CRTC3: variants seen among roughly 807,000 people sequenced by gnomAD.
The protein encoded by CRTC3 is CREB regulated transcription coactivator 3.
A neutral mutation model predicts 74.5 loss-of-function variants in CRTC3; 26 were observed. The observed-to-expected ratio is 0.35, with a 90% CI of 0.26 to 0.48. The LOEUF (loss-of-function observed/expected upper bound fraction) is 0.48. Ranked by LOEUF, CRTC3 falls within the 20% of genes least tolerant of loss-of-function variation. The probability of loss-of-function intolerance (pLI) is 0.99; values close to 1 mark genes in which losing one functional copy is unlikely to be tolerated. For synonymous variants in CRTC3, 377 were observed against 325.8 expected, an observed-to-expected ratio of 1.16 and a Z score of -1.69; for missense variants, 760 against 787.3, an observed-to-expected ratio of 0.97 and a Z score of 0.41.
intron 9 of CRTC3, among the ~76,000 whole-genome samples, chr15:90,624,421 G>T (rs892698721): frequency 2.0e-5 from 3 of 151,866 alleles, no homozygotes; most frequent in African/African-American, 7.3e-5. Flanking sequence ...CCCTGATCCA[G>T]ACTCCTGAGA....
chr15:90,645,195 A>G lies in CRTC3; in HGVS notation c.*3055A>G. 4.4e-6 allele frequency: 1 copy of G among 229,614 alleles called. No homozygotes were observed. The highest frequency in any genetic ancestry group is 8.6e-6 in the Non-Finnish European group (1 of 115,608). 14.2% of individuals were successfully genotyped at this position (229,614 alleles called of 1,614,324 possible). ...CATGGATGGGACCATCCCAGCAACTAATCAGACTTCCTGCCAGTGTCCTAA... is the reference window on the plus strand; with the variant it reads ...CATGGATGGGACCATCCCAGCAACTGATCAGACTTCCTGCCAGTGTCCTAA... On this transcript the variant is annotated 3_prime_UTR_variant, in exon 15 of 15. Transcript: ENST00000268184.
At chr15:90,626,135 C>G (rs1251281702) in intron 10 of CRTC3, 142 bp downstream of exon 10, 20 of 707,790 alleles carry the variant, frequency 2.8e-5, no homozygotes, top group Non-Finnish European at 4.7e-5. Flanking sequence ...TCTCCTGACC[C>G]TGCGGACATT....
At position 90,593,306 on chromosome 15, in the gene CRTC3, C is replaced by A. The variant is rs1967843147; in HGVS notation, c.232-330C>A. On this transcript the variant is annotated intron_variant, in intron 2 of 14. Coordinates refer to ENST00000268184, the MANE Select transcript of CRTC3 (RefSeq NM_022769.5). ...GCCAGTTTCTTTCTTTAATATACCT[C>A]TTTTACATTTCAAAGTGTCCTTTCT... 4.6e-5 allele frequency among the ~76,000 whole-genome samples: 7 copies of A among 152,286 alleles called. No individual in the cohort carries two copies. The South Asian group carries it at 1.5e-3, about 32-fold the overall frequency.
chr15:90,588,415 C>T (rs1194861912), intron 2 of CRTC3, among the ~76,000 whole-genome samples: 1 of 150,570 alleles, frequency 6.6e-6, no homozygotes, highest in East Asian at 1.9e-4. Context: ...GTCCGTGGTG[C>T]TGGAATACCT....
intron 2 of CRTC3, among the ~76,000 whole-genome samples, chr15:90,590,601 C>G (rs1967777099): frequency 6.6e-6 from 1 of 152,140 alleles, no homozygotes; most frequent in Non-Finnish European, 1.5e-5. Flanking sequence ...CTCAGACGAT[C>G]CACCTGCCTC....
chr15:90,569,024 T>A (rs7173175), intron 2 of CRTC3, among the ~76,000 whole-genome samples: 1 of 150,530 alleles, frequency 6.6e-6, no homozygotes, highest in Non-Finnish European at 1.5e-5. Flanking sequence ...ACAGAGTTTC[T>A]CCCGGTCACC....
At chr15:90,592,689 T>C (rs373377557) in intron 2 of CRTC3, among the ~76,000 whole-genome samples, 1 of 152,214 alleles carries the variant, frequency 6.6e-6, no homozygotes, top group Non-Finnish European at 1.5e-5. Flanking sequence ...ATAGCATTCC[T>C]TTTTTCCTCT....
At chr15:90,621,421 C>G (rs531143307) in intron 9 of CRTC3, among the ~76,000 whole-genome samples, 22 of 152,302 alleles carry the variant, frequency 1.4e-4, no homozygotes, top group African/African-American at 5.3e-4. Context: ...CTCCCAGGTT[C>G]AAGCGATTCT....
In CRTC3 at chr15:90,530,199, C is replaced by A. The variant is rs1303052311; in HGVS notation, c.128C>A (p.Ser43Ter). The part of the protein sequence containing the change: ...FEQLMTDLTL[S>*]RVQFQKLQQL... ...CAGCTCATGACCGACCTCACCCTGT[C>A]GCGGGTGAGGGCCCGGGCCGGCGCG... Residue 43 changes from serine (S) to a stop codon, truncating the protein, a stop_gained, in exon 1 of 15, where the codon TCG becomes TAG. Coordinates refer to ENST00000268184, the MANE Select transcript of CRTC3 (RefSeq NM_022769.5). LOFTEE classifies it high-confidence loss of function. The surrounding 1 kb of genome is among the most constrained non-coding windows in gnomAD (Gnocchi z 6.2). 7.9e-7 allele frequency: 1 copy of A among 1,263,614 alleles called. No homozygotes were observed. The highest frequency in any genetic ancestry group is 1.0e-6 in the Non-Finnish European group (1 of 979,728). The allele number at this position is 1,263,614 out of a possible 1,614,324, so 78.3% of individuals were successfully genotyped here. A position where few individuals can be genotyped will look rare whatever the true frequency, so the allele number is the denominator to read the frequency against.
intron 4 of CRTC3, 77 bp from the exon 5 acceptor site, chr15:90,604,308 A>G: frequency 9.1e-7 from 1 of 1,104,916 alleles, no homozygotes; most frequent in Non-Finnish European, 1.4e-6. Context: ...GCCAGTTCTC[A>G]AATGCAAGTG....
intron 2 of CRTC3, among the ~76,000 whole-genome samples, chr15:90,585,950 G>T (rs1379104615): frequency 2.6e-5 from 4 of 152,128 alleles, no homozygotes; most frequent in Non-Finnish European, 5.9e-5. Context: ...CCACTGAGAT[G>T]GTTGAAATTG....
intron 11 of CRTC3, among the ~76,000 whole-genome samples, chr15:90,633,006 C>A (rs1969096643): frequency 6.6e-6 from 1 of 152,030 alleles, no homozygotes; most frequent in Admixed American, 6.5e-5. Context: ...TCTTTCCACT[C>A]TCCCACAGAC....
At chr15:90,616,065 C>T (rs1458380755) in intron 7 of CRTC3, among the ~76,000 whole-genome samples, 1 of 151,712 alleles carries the variant, frequency 6.6e-6, no homozygotes, top group Non-Finnish European at 1.5e-5. Flanking sequence ...GGAATTTTGC[C>T]GCATTGTCCA....
intron 6 of CRTC3, among the ~76,000 whole-genome samples, chr15:90,612,565 C>T (rs769608046): frequency 6.6e-6 from 1 of 151,910 alleles, no homozygotes; most frequent in Non-Finnish European, 1.5e-5. Flanking sequence ...AATTAAACCT[C>T]GAGTGACTGG....
At chr15:90,541,222 G>T (rs1431674280) in intron 2 of CRTC3, among the ~76,000 whole-genome samples, 1 of 152,168 alleles carries the variant, frequency 6.6e-6, no homozygotes, top group East Asian at 1.9e-4. Context: ...TTAAGATTCG[G>T]TGTTAAAGTT....
At chr15:90,562,548 C>T (rs1417246856) in intron 2 of CRTC3, among the ~76,000 whole-genome samples, 1 of 152,146 alleles carries the variant, frequency 6.6e-6, no homozygotes, top group Admixed American at 6.5e-5. Context: ...ATGCCGTTTT[C>T]TAGTCCCCTG....
At chr15:90,556,996 A>ATATC (rs1966905774) in intron 2 of CRTC3, among the ~76,000 whole-genome samples, 1 of 142,796 alleles carries the variant, frequency 7.0e-6, no homozygotes, top group Non-Finnish European at 1.5e-5. Flanking sequence ...ATATATATAT[A>ATATC]TATCTTTATA....
intron 10 of CRTC3, among the ~76,000 whole-genome samples, chr15:90,629,008 T>A (rs141043708): frequency 7.4e-4 from 112 of 152,272 alleles, no homozygotes; most frequent in African/African-American, 2.5e-3. Flanking sequence ...TCCCTCCTCA[T>A]GGGAAAACAT....
At position 90,614,458 on chromosome 15, in the gene CRTC3, T is replaced by C; in HGVS notation, c.583T>C (p.Cys195Arg). ...TCTTTTTCCTTTCCCGCTAGGTTTCTGTGATGGTGAGAATAATGGACATGG... is the reference window on the plus strand; with the variant it reads ...TCTTTTTCCTTTCCCGCTAGGTTTCCGTGATGGTGAGAATAATGGACATGG... ...SAWPAPYMGF[C>R]DGENNGHGEV... The change falls in exon 7 of 15, where the codon TGT becomes CGT. Residue 195 changes from cysteine to arginine, a missense_variant. Cys to Arg is a radical substitution (Grantham distance 180, BLOSUM62 -3). Around this residue, in one of 2 missense-constraint regions of CRTC3, gnomAD observed 652 missense variants for 635.2 expected, o/e 1.03. Transcript: ENST00000268184. The C allele has an allele frequency of 6.2e-7, 1 of 1,609,332 alleles. No homozygotes were observed. The highest frequency in any genetic ancestry group is 2.2e-5 in the East Asian group (1 of 44,822).
Sources: gnomAD v4.1 joint callset for allele counts (sites outside exome capture counted in the v4.1 genomes callset) on GRCh38, gnomAD v4.1.1 for gene constraint, gnomAD v4.1.1 regional missense constraint, Gnocchi (gnomAD v3.1) non-coding constraint, MANE v1.5 for transcripts, NCBI Gene and HGNC (gene_info 2026-07-23, HGNC 2026-07-21) for gene names.